The following KCNJ12 variants were observed in gnomAD, a reference collection of about 807,000 sequenced individuals.
The protein encoded by KCNJ12 is ATP-sensitive inward rectifier potassium channel 12.
In KCNJ12, 2 loss-of-function variants were observed where a neutral mutation model predicts 22.3. The ratio of observed to expected loss-of-function variants is 0.09; its 90% CI spans 0.04 to 0.28. The LOEUF (loss-of-function observed/expected upper bound fraction) is 0.28, where lower values mean the gene tolerates loss of function less well. Among genes scored for constraint, KCNJ12 ranks in the 10% least tolerant of loss-of-function variants. The pLI is 1.00. For missense variants in KCNJ12, 155 were observed against 633.3 expected (o/e 0.24, Z 8.11); for synonymous variants, 117 against 261.4 (o/e 0.45, Z 5.33).
At chr17:21,384,260 G>A (rs1904996785) in intron 1 of KCNJ12, among the ~76,000 whole-genome samples, 1 of 152,206 alleles carries the variant, frequency 6.6e-6, no homozygotes, top group Admixed American at 6.5e-5. Flanking sequence ...GGCATGGATT[G>A]AGGGCTGAGT....
intron 1 of KCNJ12, among the ~76,000 whole-genome samples, chr17:21,382,584 A>G (rs1398914327): frequency 1.3e-5 from 2 of 152,212 alleles, no homozygotes; most frequent in African/African-American, 4.8e-5. Flanking sequence ...AGTGGCCAGC[A>G]GTGATCACCT....
chr17:21,400,380 C>T (rs73981185), intron 1 of KCNJ12, among the ~76,000 whole-genome samples: 39 of 152,394 alleles, frequency 2.6e-4, no homozygotes, highest in African/African-American at 8.4e-4. Flanking sequence ...CTGGCCTCGA[C>T]TCCCTCCTCC....
In KCNJ12 at chr17:21,417,098, A is replaced by G. The variant is rs1906887661; in HGVS notation, c.*454A>G. 3 of 182,836 alleles carry G rather than the reference A, an allele frequency of 1.6e-5. No homozygotes were observed. Among genetic ancestry groups the G allele is most frequent in the Non-Finnish European group, 3.8e-5 (3 of 79,638 alleles). The allele number at this position is 182,836 out of a possible 1,614,324, so 11.3% of individuals were successfully genotyped here. A position where few individuals can be genotyped will look rare whatever the true frequency, so the allele number is the denominator to read the frequency against. On this transcript the variant is annotated 3_prime_UTR_variant, in exon 3 of 3. Coordinates refer to ENST00000583088, the MANE Select transcript of KCNJ12 (RefSeq NM_021012.5). ...CTGTTTACAAAAAAAAAAAATTACCATGCAATTGAAAAAATTTTTTTTTAA... is the reference window on the plus strand; with the variant it reads ...CTGTTTACAAAAAAAAAAAATTACCGTGCAATTGAAAAAATTTTTTTTTAA...
At chr17:21,415,148 TG>T (rs1906623154) in intron 2 of KCNJ12, 138 bp from the exon 3 acceptor site, 7 of 875,264 alleles carry the variant, frequency 8.0e-6, no homozygotes, top group Middle Eastern at 3.4e-4. Flanking sequence ...AGTGGGGAGC[TG>T]GCTTGGGCAA....
chr17:21,416,788 A>G lies in KCNJ12; in HGVS notation c.*144A>G, dbSNP rs1906861514. The G allele has an allele frequency of 7.2e-7, 1 of 1,387,080 alleles. No individual in the cohort carries two copies. Among genetic ancestry groups the G allele is most frequent in the Middle Eastern group, 2.6e-4 (1 of 3,824 alleles). The allele number at this position is 1,387,080 out of a possible 1,614,324, so 85.9% of individuals were successfully genotyped here. ...TTTTAGTCGTTTTATGTTTCTTTGC[A>G]ACGGCCTCAGAAGTTTGGCCGGAGA... On this transcript the variant is annotated 3_prime_UTR_variant, in exon 3 of 3. Coordinates refer to ENST00000583088, the MANE Select transcript of KCNJ12 (RefSeq NM_021012.5).
intron 1 of KCNJ12, among the ~76,000 whole-genome samples, chr17:21,384,784 T>C (rs1392358204): frequency 6.7e-6 from 1 of 150,050 alleles, no homozygotes; most frequent in African/African-American, 2.4e-5. Context: ...TTTTTTTTTT[T>C]TGTTTTGAGA....
In KCNJ12 at chr17:21,416,767, A is replaced by G. The variant is rs1250164559; in HGVS notation, c.*123A>G. 1 of 1,423,390 alleles carries G rather than the reference A, an allele frequency of 7.0e-7. No homozygotes were observed. Among genetic ancestry groups the G allele is most frequent in the African/African-American group, 1.4e-5 (1 of 69,126 alleles). 88.2% of individuals were successfully genotyped at this position (1,423,390 alleles called of 1,614,324 possible). ...TGGGTTGCAGACTCAGTAGCGTTTT[A>G]GTCGTTTTATGTTTCTTTGCAACGG... On this transcript the variant is annotated 3_prime_UTR_variant, in exon 3 of 3. Coordinates refer to ENST00000583088, the MANE Select transcript of KCNJ12 (RefSeq NM_021012.5).
chr17:21,395,517 G>A (rs570659925), intron 1 of KCNJ12, among the ~76,000 whole-genome samples: 3 of 120,634 alleles, frequency 2.5e-5, no homozygotes, highest in South Asian at 2.9e-4. Flanking sequence ...GGATGCGGAC[G>A]TTGCAGTGAG....
intron 2 of KCNJ12, among the ~76,000 whole-genome samples, chr17:21,411,039 T>G (rs2142073867): frequency 6.6e-6 from 1 of 152,418 alleles, no homozygotes; most frequent in Non-Finnish European, 1.5e-5. Context: ...CGAGTCCCTA[T>G]GTCTTACCCT....
intron 1 of KCNJ12, among the ~76,000 whole-genome samples, chr17:21,406,274 G>A (rs1597574125): frequency 1.3e-5 from 2 of 151,902 alleles, no homozygotes; most frequent in East Asian, 3.9e-4. Flanking sequence ...CAGCTGCCAA[G>A]CATGCAGGGC....
chr17:21,402,394 G>A (rs542491374), intron 1 of KCNJ12, among the ~76,000 whole-genome samples: 331 of 152,372 alleles, frequency 2.2e-3, no homozygotes, highest in South Asian at 4.1e-3. Context: ...TGGGCCCCCA[G>A]GCATGATGTC....
intron 1 of KCNJ12, among the ~76,000 whole-genome samples, chr17:21,400,575 G>C (rs1282629825): frequency 1.7e-3 from 253 of 151,820 alleles, no homozygotes; most frequent in African/African-American, 5.9e-3. Context: ...TGGAATGAAC[G>C]GGGAATGAAC....
At chr17:21,377,363 C>T (rs191253611) in intron 1 of KCNJ12, among the ~76,000 whole-genome samples, 127 of 152,286 alleles carry the variant, frequency 8.3e-4, no homozygotes, top group African/African-American at 2.9e-3. Context: ...CTATATGAGC[C>T]GCCCCGAGAA....
intron 2 of KCNJ12, among the ~76,000 whole-genome samples, chr17:21,413,793 G>A (rs1487704924): frequency 2.6e-5 from 4 of 152,294 alleles, no homozygotes; most frequent in East Asian, 1.9e-4. Context: ...GCCCTGCTGC[G>A]GGGCCTGTCC....
chr17:21,379,061 C>G (rs1904774156), intron 1 of KCNJ12, among the ~76,000 whole-genome samples: 1 of 152,204 alleles, frequency 6.6e-6, no homozygotes, highest in South Asian at 2.1e-4. Flanking sequence ...CATGGTGTCC[C>G]CATCCCTGGG....
In KCNJ12 at chr17:21,376,593, TCAGA is replaced by T. The variant is rs1904660041; in HGVS notation, c.-498_-495del. The stretch of plus-strand genomic sequence containing the variant: ...GGAGCGCGCCGGGCCCTGCCCGAGA[TCAGA>T]TAACAGCCGGCGGGGGAGGGGGTGG... On this transcript the variant is annotated 5_prime_UTR_variant, in exon 1 of 3. Coordinates refer to ENST00000583088, the MANE Select transcript of KCNJ12 (RefSeq NM_021012.5). The surrounding 1 kb of genome is among the most constrained non-coding windows in gnomAD (Gnocchi z 5.3). The T allele has an allele frequency of 6.7e-6, 1 of 149,846 alleles. No homozygotes were observed. The highest frequency in any genetic ancestry group is 2.1e-4 in the South Asian group (1 of 4,742). 9.3% of individuals were successfully genotyped at this position (149,846 alleles called of 1,614,324 possible).
intron 1 of KCNJ12, among the ~76,000 whole-genome samples, chr17:21,385,686 C>T (rs941503041): frequency 2.0e-5 from 3 of 152,192 alleles, no homozygotes; most frequent in Non-Finnish European, 2.9e-5. Flanking sequence ...TGGCCTGGGC[C>T]CTGCCAGCAC....
At chr17:21,387,766 C>T (rs1905114758) in intron 1 of KCNJ12, among the ~76,000 whole-genome samples, 1 of 152,162 alleles carries the variant, frequency 6.6e-6, no homozygotes, top group Non-Finnish European at 1.5e-5. Context: ...TTTAGGTTTC[C>T]CTCCAACCCT....
intron 2 of KCNJ12, among the ~76,000 whole-genome samples, chr17:21,411,584 A>C (rs1217059171): frequency 2.1e-4 from 32 of 152,378 alleles, no homozygotes; most frequent in African/African-American, 7.7e-4. Context: ...AGTAGTGAGC[A>C]CCTTGTCTTG....
Sources: gnomAD v4.1 joint callset for allele counts (sites outside exome capture counted in the v4.1 genomes callset) on GRCh38, gnomAD v4.1.1 for gene constraint, Gnocchi (gnomAD v3.1) non-coding constraint, MANE v1.5 for transcripts, NCBI Gene and HGNC (gene_info 2026-07-23, HGNC 2026-07-21) for gene names.